Variants in MALRD1 observed in about 807,000 individuals in gnomAD.
MALRD1 encodes MAM and LDL-receptor class A domain-containing protein 1.
MALRD1 carries 247 observed loss-of-function variants against 242.1 expected under a neutral mutation model. The ratio of observed to expected loss-of-function variants is 1.02; its 90% confidence interval spans 0.92 to 1.13. The LOEUF (loss-of-function observed/expected upper bound fraction) is 1.13. Among genes scored for constraint, MALRD1 ranks in the 50% most tolerant of loss-of-function variants. The pLI is 0.00. For synonymous variants in MALRD1, 995 were observed against 866.6 expected (o/e 1.15, Z -2.60); for missense variants, 2,989 against 2,533.1 (o/e 1.18, Z -3.86).
At chr10:19,147,799 G>A (rs992690491) in intron 11 of MALRD1, among the ~76,000 whole-genome samples, 5 of 152,182 alleles carry the variant, frequency 3.3e-5, no homozygotes, top group Admixed American at 1.3e-4. Context: ...GCAGTGAAGG[G>A]AAATGAAAAG....
chr10:19,361,845 A>G (rs1844909871), intron 26 of MALRD1, among the ~76,000 whole-genome samples: 3 of 152,132 alleles, frequency 2.0e-5, no homozygotes, highest in Admixed American at 2.0e-4. Context: ...AACCCTGACT[A>G]ACCCCAGTAT....
chr10:19,468,091 G>A (rs982322775), intron 29 of MALRD1, among the ~76,000 whole-genome samples: 1 of 123,904 alleles, frequency 8.1e-6, no homozygotes, highest in Non-Finnish European at 1.6e-5. Context: ...ACCACACCTG[G>A]CCTAGATACT....
chr10:19,084,640 T>C (rs1394616023), intron 2 of MALRD1, among the ~76,000 whole-genome samples: 2 of 151,932 alleles, frequency 1.3e-5, no homozygotes, highest in Non-Finnish European at 2.9e-5. Context: ...TACCTTATCT[T>C]TCCTGAAGAT....
chr10:19,504,850 G>T (rs113764765), intron 31 of MALRD1, among the ~76,000 whole-genome samples: 37,350 of 148,402 alleles, frequency 0.25, 7,121 homozygotes, highest in African/African-American at 0.55. Context: ...GCCCGGCTAA[G>T]TTTTTGTATT....
chr10:19,623,611 A>G (rs1180719154), intron 36 of MALRD1, among the ~76,000 whole-genome samples: 1 of 152,134 alleles, frequency 6.6e-6, no homozygotes, highest in Non-Finnish European at 1.5e-5. Context: ...AGGCCTGAGA[A>G]CTGGGGATGG....
chr10:19,328,599 C>A (rs1171666214), intron 23 of MALRD1, among the ~76,000 whole-genome samples: 3 of 152,210 alleles, frequency 2.0e-5, no homozygotes, highest in African/African-American at 7.2e-5. Flanking sequence ...TCTGATAGAT[C>A]AGCTCCTCTC....
intron 38 of MALRD1, among the ~76,000 whole-genome samples, chr10:19,715,646 C>T (rs1268113992): frequency 6.6e-6 from 1 of 152,060 alleles, no homozygotes; most frequent in East Asian, 1.9e-4. Flanking sequence ...AAAGAAATAC[C>T]TGAGGGTGGG....
At chr10:19,663,262 TG>T (rs1396222670) in intron 36 of MALRD1, among the ~76,000 whole-genome samples, 1 of 152,140 alleles carries the variant, frequency 6.6e-6, no homozygotes, top group African/African-American at 2.4e-5. Context: ...CACTTATAAG[TG>T]AGATCATGTG....
At chr10:19,129,137 A>T (rs1170683842) in intron 8 of MALRD1, among the ~76,000 whole-genome samples, 3 of 152,082 alleles carry the variant, frequency 2.0e-5, no homozygotes, top group African/African-American at 7.2e-5. Flanking sequence ...ACATGAAGAT[A>T]GTACAGATTC....
chr10:19,706,214 ACT>A (rs940716375), intron 38 of MALRD1, among the ~76,000 whole-genome samples: 1 of 152,162 alleles, frequency 6.6e-6, no homozygotes, highest in African/African-American at 2.4e-5. Flanking sequence ...ACAGCTAGAG[ACT>A]CTGGGAAGGG....
rs1167072970 is a variant in MALRD1 at position 19,280,029 on chromosome 10, A to G, written c.3080-18A>G. The G allele has an allele frequency of 1.4e-6, 2 of 1,474,766 alleles. No homozygotes were observed. The highest frequency in any genetic ancestry group is 9.0e-7 in the Non-Finnish European group (1 of 1,114,512). The allele number at this position is 1,474,766 out of a possible 1,614,324, so 91.4% of individuals were successfully genotyped here. A position where few individuals can be genotyped will look rare whatever the true frequency, so the allele number is the denominator to read the frequency against. ...AGAAAACCTGCTAAATGATGCCTGT[A>G]TATTATTTCTTATCAAGGTAATTTG... is the stretch of plus-strand genomic sequence containing the variant. On this transcript the variant is annotated intron_variant, in intron 19 of 39. Transcript: ENST00000454679.
rs77638018 is a variant in MALRD1, at chr10:19,634,601, G to A, written c.6137+18678G>A. 2.6e-3 allele frequency among the ~76,000 whole-genome samples: 401 copies of A among 152,162 alleles called. 8 individuals carry two copies. In the East Asian group the frequency reaches 0.06, roughly 23 times the overall value. On this transcript the variant is annotated intron_variant, in intron 36 of 39. Transcript: ENST00000454679. ...TATGGAGACTTAGATCTTCAGCTCG[G>A]CATTGTTCTGGATTCTGTTGGTAAG...
At chr10:19,341,486 A>ATATATGTATATATGTATATATATGTG (rs1564577101) in intron 24 of MALRD1, among the ~76,000 whole-genome samples, 22 of 16,108 alleles carry the variant, frequency 1.4e-3, no homozygotes, top group African/African-American at 3.1e-3. Flanking sequence ...ATATATGTGT[A>ATATATGTATATATGTATATATATGTG]TATATATGTA....
At chr10:19,537,027 A>C (rs927537558) in intron 32 of MALRD1, among the ~76,000 whole-genome samples, 1 of 152,196 alleles carries the variant, frequency 6.6e-6, no homozygotes, top group African/African-American at 2.4e-5. Context: ...CAGAGGTTGC[A>C]AGTTAATGAA....
chr10:19,271,338 ATC>A (rs1289675182), intron 19 of MALRD1, among the ~76,000 whole-genome samples: 2 of 152,218 alleles, frequency 1.3e-5, no homozygotes, highest in African/African-American at 4.8e-5. Context: ...ATTGGTTAAA[ATC>A]TCTAATCGTT....
rs574999382 is a variant in MALRD1 at position 19,648,499 on chromosome 10, C to G, written c.6137+32576C>G. On this transcript the variant is annotated intron_variant, in intron 36 of 39. Coordinates refer to ENST00000454679, the MANE Select transcript of MALRD1 (RefSeq NM_001142308.3). ...CTATCATAGCTTAAAACCATGCTTT[C>G]ACAAGTTTCAAGATAATCAACCAAT... Among the ~76,000 whole-genome samples the G allele has an allele frequency of 1.7e-4, 26 of 152,220 alleles. No individual in the cohort carries two copies. In the South Asian group the frequency reaches 5.0e-3, roughly 29 times the overall value.
At chr10:19,315,147 A>T (rs1488392609) in intron 21 of MALRD1, among the ~76,000 whole-genome samples, 1 of 137,064 alleles carries the variant, frequency 7.3e-6, no homozygotes, top group Non-Finnish European at 1.6e-5. Flanking sequence ...TGTAAATATA[A>T]TTTATAGAAA....
intron 18 of MALRD1, among the ~76,000 whole-genome samples, chr10:19,229,436 A>G (rs1442660215): frequency 6.6e-6 from 1 of 152,154 alleles, no homozygotes; most frequent in Non-Finnish European, 1.5e-5. Context: ...TAGCATTGAC[A>G]GGAGAGAAGG....
chr10:19,337,753 A>G (rs1246298060), intron 24 of MALRD1, among the ~76,000 whole-genome samples: 1 of 152,084 alleles, frequency 6.6e-6, no homozygotes, highest in East Asian at 1.9e-4. Flanking sequence ...TTAGGTTTAC[A>G]ACAAACTGAG....
Sources: gnomAD v4.1 joint callset for allele counts (sites outside exome capture counted in the v4.1 genomes callset) on GRCh38, gnomAD v4.1.1 for gene constraint, MANE v1.5 for transcripts, NCBI Gene and HGNC (gene_info 2026-07-23, HGNC 2026-07-21) for gene names.